The following FSTL5 variants were observed in gnomAD, a reference collection of about 807,000 sequenced individuals.
FSTL5 encodes follistatin like 5, also known as follistatin-related protein 5.
FSTL5 carries 62 observed loss-of-function variants against 89.1 expected under a neutral mutation model. That is an observed-to-expected ratio of 0.70 (90% CI 0.57 to 0.86). The LOEUF (loss-of-function observed/expected upper bound fraction) is 0.86. FSTL5 is among the 40% of genes least tolerant of loss of function. The pLI is 0.00. For synonymous variants in FSTL5, 383 were observed against 346.2 expected, an observed-to-expected ratio of 1.11 and a Z score of -1.18; for missense variants, 1,057 against 1,001.6, an observed-to-expected ratio of 1.06 and a Z score of -0.75.
intron 4 of FSTL5, among the ~76,000 whole-genome samples, chr4:161,836,186 G>C (rs1351230661): frequency 2.0e-5 from 3 of 151,260 alleles, no homozygotes; most frequent in South Asian, 4.2e-4. Flanking sequence ...TCATCATTCT[G>C]AGTAAACTAT....
chr4:161,860,041 C>A (rs1317536165), intron 4 of FSTL5, among the ~76,000 whole-genome samples: 4 of 152,174 alleles, frequency 2.6e-5, no homozygotes, highest in African/African-American at 9.7e-5. Flanking sequence ...GTAATCACAG[C>A]ACTTTGGGAG....
intron 7 of FSTL5, among the ~76,000 whole-genome samples, chr4:161,595,302 C>T (rs114749719): frequency 2.0e-5 from 3 of 150,544 alleles, no homozygotes; most frequent in Non-Finnish European, 4.4e-5. Context: ...AACAGACACT[C>T]TGAATTCAGG....
At chr4:161,768,741 T>C (rs1741105776) in intron 5 of FSTL5, among the ~76,000 whole-genome samples, 2 of 151,634 alleles carry the variant, frequency 1.3e-5, no homozygotes, top group South Asian at 4.1e-4. Flanking sequence ...GGAAAAACTT[T>C]AAATAAACAA....
At chr4:161,527,980 T>C (rs1400224137) in intron 10 of FSTL5, among the ~76,000 whole-genome samples, 6 of 150,494 alleles carry the variant, frequency 4.0e-5, no homozygotes, top group Non-Finnish European at 7.4e-5. Flanking sequence ...AAATGATGAG[T>C]TCATGTCCTT....
chr4:161,556,027 C>T (rs543389543), intron 8 of FSTL5, among the ~76,000 whole-genome samples: 109 of 151,534 alleles, frequency 7.2e-4, no homozygotes, highest in Non-Finnish European at 1.2e-3. Flanking sequence ...GGAAGCATGA[C>T]GTATTCCAAA....
rs574358381 is a variant in FSTL5, at chr4:161,860,215, G to A, written c.409+60189C>T. Among the ~76,000 whole-genome samples, 19 of 152,194 alleles carry A rather than the reference G, an allele frequency of 1.2e-4. No individual in the cohort carries two copies. In the East Asian group the frequency reaches 2.3e-3, roughly 19 times the overall value. ...AGGCAGGAGAATGGCGTGAACCCGG[G>A]AGGCGGAGCTTGCAGTGAGAGGAGA... is the stretch of plus-strand genomic sequence containing the variant. On this transcript the variant is annotated intron_variant, in intron 4 of 15. Coordinates refer to ENST00000306100, the MANE Select transcript of FSTL5 (RefSeq NM_020116.5).
At chr4:161,580,031 TTAATC>T (rs1361128636) in intron 8 of FSTL5, among the ~76,000 whole-genome samples, 4 of 152,158 alleles carry the variant, frequency 2.6e-5, no homozygotes, top group African/African-American at 9.6e-5. Flanking sequence ...TTTTGGAACT[TTAATC>T]TCTTCAGTTT....
intron 4 of FSTL5, among the ~76,000 whole-genome samples, chr4:161,900,091 G>T (rs1424681812): frequency 6.6e-6 from 1 of 152,044 alleles, no homozygotes; most frequent in Non-Finnish European, 1.5e-5. Flanking sequence ...CTACACAGAA[G>T]TCTGAGGCAG....
intron 15 of FSTL5, among the ~76,000 whole-genome samples, chr4:161,397,904 A>T (rs1731060035): frequency 6.6e-6 from 1 of 152,006 alleles, no homozygotes; most frequent in Non-Finnish European, 1.5e-5. Flanking sequence ...ACATCAGAAG[A>T]TTCACAATCT....
intron 15 of FSTL5, among the ~76,000 whole-genome samples, chr4:161,401,156 A>G (rs1040060381): frequency 3.3e-5 from 5 of 152,222 alleles, no homozygotes; most frequent in African/African-American, 9.6e-5. Context: ...TACAAAATAC[A>G]GAGGTGAGGA....
rs547359636 is a variant in FSTL5 at position 161,955,401 on chromosome 4, C to CA, written c.161-34750dup. On this transcript the variant is annotated intron_variant, in intron 3 of 15. Coordinates refer to ENST00000306100, the MANE Select transcript of FSTL5 (RefSeq NM_020116.5). ...ATAACTCCAAAGTGTATAATGTGAA[C>CA]AAAAAAAAATGTTTTAAGTAAATCT... 4.0e-4 allele frequency among the ~76,000 whole-genome samples: 59 copies of CA among 147,482 alleles called. 1 individual carries two copies. The highest frequency in any genetic ancestry group is 2.6e-3 in the East Asian group (13 of 5,072).
At chr4:161,615,683 C>G (rs1004057037) in intron 7 of FSTL5, among the ~76,000 whole-genome samples, 1 of 151,710 alleles carries the variant, frequency 6.6e-6, no homozygotes, top group African/African-American at 2.4e-5. Flanking sequence ...GTTTTATTTC[C>G]CACAAAAACA....
chr4:162,091,078 T>C (rs149828099), intron 2 of FSTL5, among the ~76,000 whole-genome samples: 2 of 152,274 alleles, frequency 1.3e-5, no homozygotes, highest in African/African-American at 2.4e-5. Context: ...TTTGTGAATA[T>C]AAGTTTTGCC....
chr4:161,854,485 A>G (rs1440583), intron 4 of FSTL5, among the ~76,000 whole-genome samples: 104,970 of 151,696 alleles, frequency 0.69, 36,757 homozygotes, highest in Non-Finnish European at 0.75. Flanking sequence ...ACAATTACAT[A>G]TATCTTCACC....
intron 2 of FSTL5, among the ~76,000 whole-genome samples, chr4:162,046,438 C>A (rs1560990033): frequency 6.6e-6 from 1 of 152,106 alleles, no homozygotes; most frequent in Non-Finnish European, 1.5e-5. Context: ...CACAAAGGCA[C>A]AGAGTTGTAA....
At chr4:161,874,988 A>G (rs1240626269) in intron 4 of FSTL5, among the ~76,000 whole-genome samples, 2 of 152,182 alleles carry the variant, frequency 1.3e-5, no homozygotes, top group African/African-American at 4.8e-5. Context: ...GTAATTTAAA[A>G]CTGCTTATTT....
rs1371448247 is a variant in FSTL5, at chr4:161,538,150, G to A, written c.1312+16C>T. The A allele has an allele frequency of 1.2e-6, 2 of 1,612,728 alleles. No homozygotes were observed. The highest frequency in any genetic ancestry group is 1.3e-5 in the African/African-American group (1 of 74,834). On this transcript the variant is annotated intron_variant, in intron 10 of 15. Transcript: ENST00000306100. ...GAATATGGTGTGTGTGTGCTGTTGG[G>A]TGGTTCTATACATACGGGTCTTTCT...
chr4:162,092,105 A>G (rs1336414538), intron 2 of FSTL5, among the ~76,000 whole-genome samples: 1 of 152,062 alleles, frequency 6.6e-6, no homozygotes, highest in African/African-American at 2.4e-5. Flanking sequence ...CATTAATACA[A>G]TGGTTGTCTA....
chr4:161,996,452 T>A (rs1578930803), intron 3 of FSTL5, among the ~76,000 whole-genome samples: 1 of 151,926 alleles, frequency 6.6e-6, no homozygotes, highest in African/African-American at 2.4e-5. Context: ...ATCCCAAACC[T>A]CCCCCACCAC....
Sources: allele counts gnomAD v4.1 joint callset (sites outside exome capture counted in the v4.1 genomes callset), GRCh38; gene constraint gnomAD v4.1.1; transcripts MANE v1.5; gene names NCBI Gene and HGNC (gene_info 2026-07-23, HGNC 2026-07-21).